The following KCNQ1 variants were observed in gnomAD, a reference collection of about 807,000 sequenced individuals.
KCNQ1 encodes the protein potassium voltage-gated channel subfamily KQT member 1.
KCNQ1 carries 49 observed loss-of-function variants against 72.4 expected under a neutral mutation model. The observed-to-expected ratio is 0.68, with a 90% confidence interval of 0.54 to 0.86. KCNQ1 has a LOEUF of 0.86. Among genes scored for constraint, KCNQ1 ranks in the 40% least tolerant of loss-of-function variants. The pLI is 0.00. For synonymous variants in KCNQ1, 450 were observed against 412.6 expected (o/e 1.09, Z -1.10); for missense variants, 790 against 945.1 (o/e 0.84, Z 2.15).
At chr11:2,636,220 T>C (rs1267463568) in intron 10 of KCNQ1, 2 of 152,204 alleles carry the variant, frequency 1.3e-5, no homozygotes, top group East Asian at 1.9e-4. Context: ...TCCAACACTA[T>C]GTTGAATAGG....
chr11:2,638,440 G>C (rs1438284334), intron 10 of KCNQ1: 1 of 152,154 alleles, frequency 6.6e-6, no homozygotes, highest in Non-Finnish European at 1.5e-5. Context: ...ATGAAGCTTA[G>C]TTTGGCTGGA....
At chr11:2,572,157 G>A (rs767760927) in intron 5 of KCNQ1, 48 bp downstream of exon 5, 33 of 1,417,106 alleles carry the variant, frequency 2.3e-5, no homozygotes, top group Admixed American at 7.0e-5. Context: ...GGGACAGGAC[G>A]GAGGGAGCAG....
In KCNQ1 at chr11:2,660,182, T is replaced by C. The variant is rs570902721; in HGVS notation, c.1394-1779T>C. 13 of 397,996 alleles carry C rather than the reference T, an allele frequency of 3.3e-5. 1 individual carries two copies. Among genetic ancestry groups the C allele is most frequent in the African/African-American group, 1.4e-4 (7 of 48,358 alleles). The allele number at this position is 397,996 out of a possible 1,614,324, so 24.7% of individuals were successfully genotyped here. On this transcript the variant is annotated intron_variant, in intron 10 of 15. Transcript: ENST00000155840. ...AGATATTTTATGGTTTTATGTTTTA[T>C]TTTAGATTTTTTTTCAGTAAGTTTG...
rs1388174957 is a variant in KCNQ1 at position 2,715,289 on chromosome 11, C to A, written c.1514+53208C>A. Reference sequence around the variant, plus strand: ...GTCTGACTCTCTGCTCTCTGGAGAGCTCAAGGGAACCTGTAAAGACCTGCG... The same window carrying A: ...GTCTGACTCTCTGCTCTCTGGAGAGATCAAGGGAACCTGTAAAGACCTGCG... On this transcript the variant is annotated intron_variant, in intron 11 of 15. Coordinates refer to ENST00000155840, the MANE Select transcript of KCNQ1 (RefSeq NM_000218.3). This position sits in a 1 kb window ranked among gnomAD's most constrained non-coding sequence, Gnocchi z 4.9. 1.3e-5 allele frequency among the ~76,000 whole-genome samples: 2 copies of A among 152,102 alleles called. No homozygotes were observed. Among genetic ancestry groups the A allele is most frequent in the Admixed American group, 6.5e-5 (1 of 15,280 alleles).
intron 12 of KCNQ1, among the ~76,000 whole-genome samples, chr11:2,770,040 A>G (rs550851164): frequency 1.8e-4 from 27 of 152,192 alleles, no homozygotes; most frequent in African/African-American, 6.5e-4. Context: ...GATCATCTTG[A>G]CTTCAGGAGC....
At position 2,678,298 on chromosome 11, in the gene KCNQ1, T is replaced by G; in HGVS notation, c.1514+16217T>G. On this transcript the variant is annotated intron_variant, in intron 11 of 15. Coordinates refer to ENST00000155840, the MANE Select transcript of KCNQ1 (RefSeq NM_000218.3). The surrounding 1 kb of genome is among the most constrained non-coding windows in gnomAD (Gnocchi z 4.9). ...ATTGTTTTAATAAATTCTTCCATGT[T>G]TTCTTCTATCATTTTTTATTTCATT... The G allele has an allele frequency of 5.0e-6, 2 of 398,466 alleles. No individual in the cohort carries two copies. 24.7% of individuals were successfully genotyped at this position (398,466 alleles called of 1,614,324 possible). A position where few individuals can be genotyped will look rare whatever the true frequency, so the allele number is the denominator to read the frequency against.
chr11:2,527,848 C>T, intron 1 of KCNQ1, 80 bp from the exon 2 acceptor site: 1 of 1,310,384 alleles, frequency 7.6e-7, no homozygotes, highest in South Asian at 1.2e-5. Flanking sequence ...GGGCTGAGGC[C>T]AGGGGCCCCT....
Position 2,486,736 on chromosome 11 carries a change from G to C in KCNQ1, c.387-41192G>C, listed in dbSNP as rs140794754. ...TGAAGCGGGAGTAGGTGTCTCATAT[G>C]ATGAGACAGGGAGCAAGAGAAAGGA... On this transcript the variant is annotated intron_variant, in intron 1 of 15. Coordinates refer to ENST00000155840, the MANE Select transcript of KCNQ1 (RefSeq NM_000218.3). The surrounding 1 kb of genome is among the most constrained non-coding windows in gnomAD (Gnocchi z 5.0). 3.9e-5 allele frequency among the ~76,000 whole-genome samples: 6 copies of C among 152,284 alleles called. No individual in the cohort carries two copies. The highest frequency in any genetic ancestry group is 9.6e-5 in the African/African-American group (4 of 41,534).
intron 11 of KCNQ1, among the ~76,000 whole-genome samples, chr11:2,749,479 C>T (rs1846189443): frequency 6.6e-6 from 1 of 152,056 alleles, no homozygotes; most frequent in South Asian, 2.1e-4. Context: ...CTTATTCGTA[C>T]AACGGGAATG....
At chr11:2,545,654 GTGAT>G (rs1372085690) in intron 2 of KCNQ1, among the ~76,000 whole-genome samples, 2 of 152,066 alleles carry the variant, frequency 1.3e-5, no homozygotes, top group South Asian at 2.1e-4. Context: ...TTATATTCAG[GTGAT>G]TGATAATTCT....
At chr11:2,455,312 A>G (rs61873495) in intron 1 of KCNQ1, among the ~76,000 whole-genome samples, 11 of 151,472 alleles carry the variant, frequency 7.3e-5, no homozygotes, top group African/African-American at 1.5e-4. Context: ...GTTAGCCAGG[A>G]TGGTCTTGAT....
At position 2,673,715 on chromosome 11, in the gene KCNQ1, G is replaced by A. The variant is rs115983762; in HGVS notation, c.1514+11634G>A. On this transcript the variant is annotated intron_variant, in intron 11 of 15. Coordinates refer to ENST00000155840, the MANE Select transcript of KCNQ1 (RefSeq NM_000218.3). This position sits in a 1 kb window ranked among gnomAD's most constrained non-coding sequence, Gnocchi z 4.5. ...ATTCCTGAGGTTGCTGAATCTCAGG[G>A]CTTGGAAGGCCCAGACTGGACAGGG... The A allele has an allele frequency of 1.2e-3, 478 of 398,724 alleles. 1 individual carries two copies. The highest frequency in any genetic ancestry group is 9.1e-3 in the African/African-American group (442 of 48,750). The allele number at this position is 398,724 out of a possible 1,614,324, so 24.7% of individuals were successfully genotyped here.
intron 10 of KCNQ1, chr11:2,646,912 T>C: frequency 1.3e-5 from 5 of 398,698 alleles, no homozygotes. Flanking sequence ...GGTTTTTCTA[T>C]GTATAAGATT....
rs866399207 is a variant in KCNQ1 at position 2,760,687 on chromosome 11, C to T, written c.1515-8157C>T. Among the ~76,000 whole-genome samples, 16 of 152,334 alleles carry T rather than the reference C, an allele frequency of 1.1e-4. No homozygotes were observed. The Middle Eastern group carries it at 0.014, about 130-fold the overall frequency. On this transcript the variant is annotated intron_variant, in intron 11 of 15. Transcript: ENST00000155840. ...CAGGGTCCAGGGGTCACTTCCTTCA[C>T]GGCCCAGTGAGCCCAAGGCCTCCGT...
intron 11 of KCNQ1, chr11:2,667,451 A>T (rs1178341660): frequency 2.5e-6 from 1 of 398,708 alleles, no homozygotes; most frequent in Non-Finnish European, 4.4e-6. Context: ...TCAGGTCCTC[A>T]GCCAAGCAGA....
chr11:2,761,643 C>CAG (rs995921651), intron 11 of KCNQ1, among the ~76,000 whole-genome samples: 2 of 152,222 alleles, frequency 1.3e-5, no homozygotes, highest in South Asian at 4.1e-4. Flanking sequence ...TCGCCCAAGA[C>CAG]AGAGAGAGAG....
rs2133888483 is a variant in KCNQ1, at chr11:2,688,003, G to C, written c.1514+25922G>C. On this transcript the variant is annotated intron_variant, in intron 11 of 15. Transcript: ENST00000155840. The stretch of plus-strand genomic sequence containing the variant: ...CTTTGATGTCTCCTCGTGCGAGGGA[G>C]GGGTCAGCACCCCTCTAGGCTTGGG... 7.5e-6 allele frequency: 3 copies of C among 398,734 alleles called. No individual in the cohort carries two copies. In the East Asian group the frequency reaches 1.1e-4, roughly 14 times the overall value. 24.7% of individuals were successfully genotyped at this position (398,734 alleles called of 1,614,324 possible).
At chr11:2,467,872 A>T (rs1046618970) in intron 1 of KCNQ1, among the ~76,000 whole-genome samples, 2 of 152,202 alleles carry the variant, frequency 1.3e-5, no homozygotes, top group African/African-American at 4.8e-5. Context: ...GGCCACCCGC[A>T]CTGGGGCTGC....
chr11:2,534,760 G>A (rs902434134), intron 2 of KCNQ1, among the ~76,000 whole-genome samples: 1 of 152,352 alleles, frequency 6.6e-6, no homozygotes. Flanking sequence ...CCACTCTGAG[G>A]CTTCAGAACG....
Sources: allele counts gnomAD v4.1 joint callset (sites outside exome capture counted in the v4.1 genomes callset), GRCh38; gene constraint gnomAD v4.1.1; non-coding constraint Gnocchi (gnomAD v3.1); transcripts MANE v1.5; gene names NCBI Gene and HGNC (gene_info 2026-07-23, HGNC 2026-07-21).